CCDC146: variants seen among roughly 807,000 people sequenced by gnomAD.
CCDC146 encodes the protein coiled-coil domain-containing protein 146.
Under a neutral mutation model 119.3 loss-of-function variants are expected in CCDC146, and 92 were observed. The observed-to-expected ratio is 0.77, with a 90% confidence interval of 0.65 to 0.92. The LOEUF is 0.92. Among genes scored for constraint, CCDC146 ranks in the 40% least tolerant of loss-of-function variants. The pLI is 0.00. For missense variants in CCDC146, 1,000 were observed against 1,103.0 expected, an observed-to-expected ratio of 0.91 and a Z score of 1.32; for synonymous variants, 372 against 371.8, an observed-to-expected ratio of 1.00 and a Z score of -0.01.
chr7:77,249,206 C>T (rs1338017313), intron 4 of CCDC146, among the ~76,000 whole-genome samples: 1 of 151,994 alleles, frequency 6.6e-6, no homozygotes, highest in Non-Finnish European at 1.5e-5. Flanking sequence ...ATTAAGAATC[C>T]ACTGGCCGGG....
chr7:77,158,665 G>A (rs551243177), intron 1 of CCDC146, among the ~76,000 whole-genome samples: 5 of 151,912 alleles, frequency 3.3e-5, no homozygotes, highest in East Asian at 3.9e-4. Context: ...GATTACAGGC[G>A]CCCACCACCA....
intron 1 of CCDC146, among the ~76,000 whole-genome samples, chr7:77,163,498 A>G (rs189432257): frequency 7.6e-4 from 115 of 152,282 alleles, no homozygotes; most frequent in African/African-American, 2.8e-3. Flanking sequence ...TAGATGCACT[A>G]TACTTTGCAA....
chr7:77,197,165 A>G (rs1791889665), intron 2 of CCDC146, among the ~76,000 whole-genome samples: 1 of 152,278 alleles, frequency 6.6e-6, no homozygotes, highest in Non-Finnish European at 1.5e-5. Context: ...ACCTAATGTT[A>G]TAAAGCAGAA....
intron 1 of CCDC146, among the ~76,000 whole-genome samples, chr7:77,157,924 C>T (rs1328146679): frequency 1.3e-5 from 2 of 152,190 alleles, no homozygotes; most frequent in African/African-American, 2.4e-5. Context: ...ACCATGGTAC[C>T]TATCTCCTAC....
At chr7:77,278,482 G>A (rs1365616483) in intron 11 of CCDC146, among the ~76,000 whole-genome samples, 2 of 99,380 alleles carry the variant, frequency 2.0e-5, no homozygotes, top group Non-Finnish European at 3.7e-5. Flanking sequence ...ATCTTACTTT[G>A]TCGCCCAGGC....
chr7:77,223,123 A>G (rs1414839531), intron 2 of CCDC146, among the ~76,000 whole-genome samples: 1 of 152,118 alleles, frequency 6.6e-6, no homozygotes, highest in Non-Finnish European at 1.5e-5. Flanking sequence ...GCTCACAGCC[A>G]CTCCAACCTG....
intron 14 of CCDC146, among the ~76,000 whole-genome samples, chr7:77,281,706 G>A (rs1793767819): frequency 2.0e-5 from 3 of 152,174 alleles, no homozygotes; most frequent in African/African-American, 7.2e-5. Flanking sequence ...CCACATGCAT[G>A]CATGTTTTGA....
intron 2 of CCDC146, among the ~76,000 whole-genome samples, chr7:77,175,131 T>C (rs972988320): frequency 2.6e-5 from 4 of 151,510 alleles, no homozygotes; most frequent in Non-Finnish European, 4.4e-5. Context: ...AGGGCCAGTG[T>C]GTCAGATGCT....
chr7:77,215,784 T>C (rs1226662984), intron 2 of CCDC146, among the ~76,000 whole-genome samples: 1 of 151,782 alleles, frequency 6.6e-6, no homozygotes, highest in Admixed American at 6.6e-5. Flanking sequence ...AATGTGATTA[T>C]AAAAAAAATA....
At chr7:77,145,792 A>T (rs959479681) in intron 1 of CCDC146, among the ~76,000 whole-genome samples, 1 of 152,134 alleles carries the variant, frequency 6.6e-6, no homozygotes, top group African/African-American at 2.4e-5. Context: ...ACAATTTGTT[A>T]TAATTTCTGT....
intron 2 of CCDC146, among the ~76,000 whole-genome samples, chr7:77,207,560 T>A (rs558632815): frequency 6.6e-6 from 1 of 152,314 alleles, no homozygotes; most frequent in East Asian, 1.9e-4. Flanking sequence ...CAGTCATATA[T>A]AAATATAGAT....
intron 8 of CCDC146, 61 bp from the exon 9 acceptor site, chr7:77,262,060 A>G: frequency 7.1e-7 from 1 of 1,404,324 alleles, no homozygotes; most frequent in Non-Finnish European, 9.7e-7. Context: ...ATAAGTTTTG[A>G]AAAACATTTA....
intron 4 of CCDC146, among the ~76,000 whole-genome samples, chr7:77,245,717 A>C (rs1792937006): frequency 1.3e-5 from 2 of 152,212 alleles, no homozygotes; most frequent in African/African-American, 2.4e-5. Flanking sequence ...GTTGGAACCA[A>C]GAAACAACAG....
At chr7:77,134,691 A>C (rs1449796763) in intron 1 of CCDC146, among the ~76,000 whole-genome samples, 1 of 151,180 alleles carries the variant, frequency 6.6e-6, no homozygotes, top group Non-Finnish European at 1.5e-5. Flanking sequence ...ATGTTAGGTT[A>C]ATTGGAGAGT....
chr7:77,138,654 A>T (rs1395184226), intron 1 of CCDC146, among the ~76,000 whole-genome samples: 1 of 152,206 alleles, frequency 6.6e-6, no homozygotes, highest in African/African-American at 2.4e-5. Flanking sequence ...TTATCTAAAA[A>T]TACAAAGAAC....
chr7:77,192,575 G>C (rs1453653881), intron 2 of CCDC146, among the ~76,000 whole-genome samples: 5 of 152,214 alleles, frequency 3.3e-5, no homozygotes, highest in Non-Finnish European at 7.3e-5. Flanking sequence ...AGTATAAGTA[G>C]TGGTAAAAAT....
At chr7:77,237,148 A>C in intron 3 of CCDC146, 119 bp downstream of exon 3, 1 of 775,946 alleles carries the variant, frequency 1.3e-6, no homozygotes, top group Non-Finnish European at 2.2e-6. Flanking sequence ...ATTTGCGTTC[A>C]GGGAGTTTGA....
At chr7:77,166,601 T>C (rs1432060498) in intron 1 of CCDC146, among the ~76,000 whole-genome samples, 1 of 151,936 alleles carries the variant, frequency 6.6e-6, no homozygotes, top group East Asian at 1.9e-4. Flanking sequence ...TTTTATTATA[T>C]AAAATTGTGA....
intron 2 of CCDC146, among the ~76,000 whole-genome samples, chr7:77,176,888 T>G (rs1443073450): frequency 6.6e-6 from 1 of 152,136 alleles, no homozygotes; most frequent in Non-Finnish European, 1.5e-5. Context: ...CAGACTGAAG[T>G]GCAGTGACAC....
Sources: allele counts gnomAD v4.1 joint callset (sites outside exome capture counted in the v4.1 genomes callset), GRCh38; gene constraint gnomAD v4.1.1; transcripts MANE v1.5; gene names NCBI Gene and HGNC (gene_info 2026-07-23, HGNC 2026-07-21).